Variants in RAB3GAP2 observed in about 807,000 individuals in gnomAD.
RAB3GAP2 encodes the protein rab3 GTPase-activating protein non-catalytic subunit.
RAB3GAP2 carries 87 observed loss-of-function variants against 185.3 expected under a neutral mutation model. The observed-to-expected ratio is 0.47, with a 90% CI of 0.39 to 0.56. The LOEUF is 0.56. Among genes scored for constraint, RAB3GAP2 ranks in the 20% least tolerant of loss-of-function variants. The pLI is 0.00. For missense variants in RAB3GAP2, 1,492 were observed against 1,638.2 expected (o/e 0.91, Z 1.54); for synonymous variants, 554 against 576.1 (o/e 0.96, Z 0.55).
chr1:220,166,363 TAAG>T (rs1033800635), intron 26 of RAB3GAP2, among the ~76,000 whole-genome samples: 1 of 152,224 alleles, frequency 6.6e-6, no homozygotes, highest in African/African-American at 2.4e-5. Flanking sequence ...AAGATAAAGT[TAAG>T]AATTTTGATT....
At chr1:220,256,441 A>G (rs1018902291) in intron 1 of RAB3GAP2, among the ~76,000 whole-genome samples, 6 of 152,220 alleles carry the variant, frequency 3.9e-5, no homozygotes, top group African/African-American at 1.4e-4. Flanking sequence ...TAAATGCCCC[A>G]ATTAAAAGAC....
At chr1:220,200,764 C>A (rs1228855321) in intron 9 of RAB3GAP2, 1 of 405,486 alleles carries the variant, frequency 2.5e-6, no homozygotes. Context: ...CATGTAAGAG[C>A]TATGCAGTAA....
chr1:220,219,416 T>C (rs891330636), intron 2 of RAB3GAP2: 5 of 152,200 alleles, frequency 3.3e-5, no homozygotes, highest in Non-Finnish European at 7.3e-5. Context: ...CTATAGATAA[T>C]ACATTTAAAG....
rs762616453 is a variant in RAB3GAP2 at position 220,157,837 on chromosome 1, C to T, written c.3301G>A (p.Gly1101Ser). 57 of 1,613,576 alleles carry T rather than the reference C, an allele frequency of 3.5e-5. No homozygotes were observed. Among genetic ancestry groups the T allele is most frequent in the Non-Finnish European group, 4.7e-5 (55 of 1,179,724 alleles). The change falls in exon 30 of 35, where the codon GGC (glycine) becomes AGC (serine). Residue 1101 changes from glycine (G) to serine (S), a missense_variant. Around this residue, in one of 5 missense-constraint regions of RAB3GAP2, gnomAD observed 387 missense variants for 455.3 expected, o/e 0.85. Coordinates refer to ENST00000358951, the MANE Select transcript of RAB3GAP2 (RefSeq NM_012414.4). ...MSDTAMTSFL[G>S]SCLDLLQILM... is the part of the protein sequence containing the mutation. Reference sequence around the variant, plus strand: ...ATCTGAAGAAGATCCAAACAGGAGCCGAGGAAAGATGTCATTGCTGTGTCA... The same window carrying T: ...ATCTGAAGAAGATCCAAACAGGAGCTGAGGAAAGATGTCATTGCTGTGTCA...
intron 24 of RAB3GAP2, among the ~76,000 whole-genome samples, chr1:220,170,288 G>T (rs2102858506): frequency 6.6e-6 from 1 of 152,226 alleles, no homozygotes; most frequent in African/African-American, 2.4e-5. Flanking sequence ...GCTAGGGAAG[G>T]GATAGCATTA....
intron 1 of RAB3GAP2, among the ~76,000 whole-genome samples, chr1:220,262,018 G>A (rs746739574): frequency 4.0e-5 from 6 of 151,894 alleles, no homozygotes; most frequent in African/African-American, 7.2e-5. Flanking sequence ...GGCCAGGCGC[G>A]GTGGCTCACA....
intron 1 of RAB3GAP2, among the ~76,000 whole-genome samples, chr1:220,263,977 TTAC>T (rs1660186185): frequency 6.6e-6 from 1 of 152,050 alleles, no homozygotes; most frequent in South Asian, 2.1e-4. Context: ...AAAACTATTA[TTAC>T]TTTTTAAAAC....
rs1354046203 is a variant in RAB3GAP2, at chr1:220,148,781, G to A, written c.*2470C>T. On this transcript the variant is annotated 3_prime_UTR_variant, in exon 35 of 35. Transcript: ENST00000358951. ...AAAAGTATGAAGCATTAAGAAGCAT[G>A]GTGCTATATATCTCTTTATCTACAT... 1 of 151,972 alleles carries A rather than the reference G, an allele frequency of 6.6e-6. No individual in the cohort carries two copies. Among genetic ancestry groups the A allele is most frequent in the East Asian group, 1.9e-4 (1 of 5,200 alleles). The allele number at this position is 151,972 out of a possible 1,614,324, so 9.4% of individuals were successfully genotyped here.
rs1230531738 is a variant in RAB3GAP2 at position 220,158,857 on chromosome 1, G to A, written c.3261+529C>T. Reference sequence around the variant, plus strand: ...CATGCACACACACGTACACACTCTAGTCATACAACCATTCTCAAGAACACA... The same window carrying A: ...CATGCACACACACGTACACACTCTAATCATACAACCATTCTCAAGAACACA... On this transcript the variant is annotated intron_variant, in intron 29 of 34. Coordinates refer to ENST00000358951, the MANE Select transcript of RAB3GAP2 (RefSeq NM_012414.4). The surrounding 1 kb of genome is among the most constrained non-coding windows in gnomAD (Gnocchi z 4.3). 1.3e-5 allele frequency among the ~76,000 whole-genome samples: 2 copies of A among 152,072 alleles called. No individual in the cohort carries two copies. Among genetic ancestry groups the A allele is most frequent in the African/African-American group, 4.8e-5 (2 of 41,390 alleles).
chr1:220,242,798 G>A (rs1254505784), intron 1 of RAB3GAP2, among the ~76,000 whole-genome samples: 4 of 152,084 alleles, frequency 2.6e-5, no homozygotes, highest in Non-Finnish European at 5.9e-5. Flanking sequence ...TTTCCAAACA[G>A]AAGATCCAAA....
Position 220,157,502 on chromosome 1 carries a change from G to T in RAB3GAP2, c.3337-14C>A, listed in dbSNP as rs771305472. ...GCTAACATCTGCCTAAGGGTTTTGA[G>T]AATGGAGGACTGTGTTCAGTAATGG... On this transcript the variant is annotated splice_polypyrimidine_tract_variant and intron_variant, in intron 30 of 34. Coordinates refer to ENST00000358951, the MANE Select transcript of RAB3GAP2 (RefSeq NM_012414.4). 1.9e-6 allele frequency: 3 copies of T among 1,610,052 alleles called. No homozygotes were observed. In the South Asian group the frequency reaches 3.3e-5, roughly 18 times the overall value.
chr1:220,213,751 A>AGT, intron 3 of RAB3GAP2, 105 bp downstream of exon 3: 1 of 876,380 alleles, frequency 1.1e-6, no homozygotes, highest in African/African-American at 1.8e-5. Flanking sequence ...GGGGAGAGAG[A>AGT]GAGAAATAAA....
intron 1 of RAB3GAP2, among the ~76,000 whole-genome samples, chr1:220,270,928 C>A (rs1660321965): frequency 6.6e-6 from 1 of 152,214 alleles, no homozygotes; most frequent in African/African-American, 2.4e-5. Flanking sequence ...CTCTCCCATC[C>A]TCCTCTCCAG....
At chr1:220,267,617 C>T (rs995679789) in intron 1 of RAB3GAP2, 65 of 1,381,908 alleles carry the variant, frequency 4.7e-5, no homozygotes, top group Non-Finnish European at 6.3e-5. Context: ...ACAGCGGGGA[C>T]TGCTTGCTGT....
intron 21 of RAB3GAP2, among the ~76,000 whole-genome samples, chr1:220,181,844 G>A (rs982617911): frequency 2.0e-5 from 3 of 151,928 alleles, no homozygotes; most frequent in Admixed American, 1.3e-4. Context: ...CAGGCCAGGA[G>A]TTTGAGACAA....
intron 21 of RAB3GAP2, 35 bp downstream of exon 21, chr1:220,182,222 G>C (rs1032428971): frequency 1.2e-6 from 2 of 1,612,450 alleles, no homozygotes; most frequent in African/African-American, 2.7e-5. Context: ...ACATTCACAA[G>C]GAAGAACAGC....
chr1:220,183,201 A>G (rs2102865629), intron 19 of RAB3GAP2, among the ~76,000 whole-genome samples: 1 of 152,052 alleles, frequency 6.6e-6, no homozygotes, highest in Middle Eastern at 3.4e-3. Flanking sequence ...TAAAAGTACC[A>G]TTTTAGGATA....
chr1:220,160,169 C>T (rs1657939699), intron 28 of RAB3GAP2, among the ~76,000 whole-genome samples: 1 of 152,186 alleles, frequency 6.6e-6, no homozygotes, highest in African/African-American at 2.4e-5. Context: ...AGTTATATTC[C>T]TAGCCCAGAA....
At chr1:220,203,880 T>A (rs921014913) in intron 8 of RAB3GAP2, among the ~76,000 whole-genome samples, 3 of 152,076 alleles carry the variant, frequency 2.0e-5, no homozygotes, top group African/African-American at 7.2e-5. Flanking sequence ...CAGAAAAAAA[T>A]TTTTATTGCA....
Sources: gnomAD v4.1 joint callset for allele counts (sites outside exome capture counted in the v4.1 genomes callset) on GRCh38, gnomAD v4.1.1 for gene constraint, gnomAD v4.1.1 regional missense constraint, Gnocchi (gnomAD v3.1) non-coding constraint, MANE v1.5 for transcripts, NCBI Gene and HGNC (gene_info 2026-07-23, HGNC 2026-07-21) for gene names.